INSYN1: variants seen among roughly 807,000 people sequenced by gnomAD.
INSYN1 encodes UPF0583 protein C15orf59.
Under a neutral mutation model 17.1 loss-of-function variants are expected in INSYN1, and 7 were observed. The ratio of observed to expected loss-of-function variants is 0.41; its 90% CI spans 0.23 to 0.77. The LOEUF is 0.77. Among genes scored for constraint, INSYN1 ranks in the 30% least tolerant of loss-of-function variants. INSYN1 has a pLI of 0.32. For missense variants in INSYN1, 339 were observed against 400.6 expected (o/e 0.85, Z 1.31); for synonymous variants, 174 against 166.3 (o/e 1.05, Z -0.36).
intron 2 of INSYN1, among the ~76,000 whole-genome samples, chr15:73,746,633 G>T (rs960023265): frequency 2.6e-5 from 4 of 152,194 alleles, no homozygotes; most frequent in African/African-American, 9.7e-5. Flanking sequence ...CTGGGGAAAC[G>T]TTGTGCCAAC....
At chr15:73,746,378 T>C (rs763922972) in intron 2 of INSYN1, among the ~76,000 whole-genome samples, 55 of 152,290 alleles carry the variant, frequency 3.6e-4, no homozygotes, top group South Asian at 4.1e-4. Flanking sequence ...CAATTCTTGC[T>C]GAGCTGCAGG....
At position 73,752,156 on chromosome 15, in the gene INSYN1, A is replaced by C. The variant is rs1484269619; in HGVS notation, c.-614T>G. 3 of 152,214 alleles carry C rather than the reference A, an allele frequency of 2.0e-5. No individual in the cohort carries two copies. Among genetic ancestry groups the C allele is most frequent in the African/African-American group, 4.8e-5 (2 of 41,366 alleles). 9.4% of individuals were successfully genotyped at this position (152,214 alleles called of 1,614,324 possible). A position where few individuals can be genotyped will look rare whatever the true frequency, so the allele number is the denominator to read the frequency against. ...TCCCTCCAAGCAGCGTCGGGGGCCA[A>C]GCCCCAAGACGGAGTTGGGGGGCCC... On this transcript the variant is annotated 5_prime_UTR_variant, in exon 1 of 3. Transcript: ENST00000569673. The surrounding 1 kb of genome is among the most constrained non-coding windows in gnomAD (Gnocchi z 5.2).
chr15:73,751,077 A>G lies in INSYN1; in HGVS notation c.54T>C (p.Ser18=), dbSNP rs1901965682. 1 of 1,613,612 alleles carries G rather than the reference A, an allele frequency of 6.2e-7. No homozygotes were observed. Among genetic ancestry groups the G allele is most frequent in the South Asian group, 1.1e-5 (1 of 91,058 alleles). Residue 18 remains serine, a synonymous_variant, in exon 2 of 3, where the codon AGT becomes AGC. Coordinates refer to ENST00000569673, the MANE Select transcript of INSYN1 (RefSeq NM_001039614.3). The part of the protein sequence containing the change: ...DLGQPSDDPS[S]GGERERIRQR... ...GTCGAATCCGCTCCCGCTCACCACCACTGCTGGGGTCGTCACTGGGCTGCC... is the reference window on the plus strand; with the variant it reads ...GTCGAATCCGCTCCCGCTCACCACCGCTGCTGGGGTCGTCACTGGGCTGCC...
rs1374665218 is a variant in INSYN1 at position 73,753,254 on chromosome 15, C to T, written c.-1712G>A. 6.8e-6 allele frequency among the ~76,000 whole-genome samples: 1 copy of T among 146,718 alleles called. No individual in the cohort carries two copies. Among genetic ancestry groups the T allele is most frequent in the Non-Finnish European group, 1.5e-5 (1 of 66,162 alleles). On this transcript the variant is annotated 5_prime_UTR_variant, in exon 1 of 3. Coordinates refer to ENST00000569673, the MANE Select transcript of INSYN1 (RefSeq NM_001039614.3). The surrounding 1 kb of genome is among the most constrained non-coding windows in gnomAD (Gnocchi z 4.2). The stretch of plus-strand genomic sequence containing the variant: ...CGGCCGCCCCCGGCCCGCCCCGCCG[C>T]CCCCCGCCGGACTGGCCGCCCGGGC...
intron 2 of INSYN1, among the ~76,000 whole-genome samples, chr15:73,745,072 GC>G (rs1901787088): frequency 6.6e-6 from 1 of 152,020 alleles, no homozygotes; most frequent in South Asian, 2.1e-4. Context: ...CAGCCTTAGC[GC>G]CCCTCGCTGA....
chr15:73,745,389 T>C (rs950159140), intron 2 of INSYN1, among the ~76,000 whole-genome samples: 1 of 152,070 alleles, frequency 6.6e-6, no homozygotes, highest in African/African-American at 2.4e-5. Flanking sequence ...TCCTACTCAC[T>C]CCGTCTTCAC....
chr15:73,739,900 G>A lies in INSYN1; in HGVS notation c.*17C>T, dbSNP rs372805938. On this transcript the variant is annotated 3_prime_UTR_variant, in exon 3 of 3. Coordinates refer to ENST00000569673, the MANE Select transcript of INSYN1 (RefSeq NM_001039614.3). ...ATAGCTCTATGTGCCCACCGCCCCCGGCCCCCTCCCCGGCCCCTAGTTTTT... is the reference window on the plus strand; with the variant it reads ...ATAGCTCTATGTGCCCACCGCCCCCAGCCCCCTCCCCGGCCCCTAGTTTTT... 13 of 836,872 alleles carry A rather than the reference G, an allele frequency of 1.6e-5. No homozygotes were observed. Among genetic ancestry groups the A allele is most frequent in the South Asian group, 3.1e-5 (2 of 64,368 alleles). The allele number at this position is 836,872 out of a possible 1,614,324, so 51.8% of individuals were successfully genotyped here. A position where few individuals can be genotyped will look rare whatever the true frequency, so the allele number is the denominator to read the frequency against.
rs916665806 is a variant in INSYN1 at position 73,738,473 on chromosome 15, C to G, written c.*1444G>C. On this transcript the variant is annotated 3_prime_UTR_variant, in exon 3 of 3. Coordinates refer to ENST00000569673, the MANE Select transcript of INSYN1 (RefSeq NM_001039614.3). ...CTGAGGCTGACGAATCACTTGAGGT[C>G]AGGAGTTCAGACCAGCCTGCCCAAC... 7.2e-5 allele frequency: 11 copies of G among 152,238 alleles called. No individual in the cohort carries two copies. Among genetic ancestry groups the G allele is most frequent in the Non-Finnish European group, 1.3e-4 (9 of 68,060 alleles). The allele number at this position is 152,238 out of a possible 1,614,324, so 9.4% of individuals were successfully genotyped here. A position where few individuals can be genotyped will look rare whatever the true frequency, so the allele number is the denominator to read the frequency against.
intron 2 of INSYN1, among the ~76,000 whole-genome samples, chr15:73,747,908 C>T (rs537645552): frequency 6.6e-5 from 10 of 152,322 alleles, no homozygotes; most frequent in African/African-American, 2.2e-4. Flanking sequence ...TTTACATCCT[C>T]ACCTCACTTA....
In INSYN1 at chr15:73,740,286, C is replaced by A. The variant is rs750288109; in HGVS notation, c.513G>T (p.Val171=). 3 of 1,613,458 alleles carry A rather than the reference C, an allele frequency of 1.9e-6. No homozygotes were observed. The highest frequency in any genetic ancestry group is 2.5e-6 in the Non-Finnish European group (3 of 1,179,838). ...GGGTCCGCTGGGGCAGCTGGCTCTTCACCGTGGGGCCAGCACCAAAGGCCT... is the reference window on the plus strand; with the variant it reads ...GGGTCCGCTGGGGCAGCTGGCTCTTAACCGTGGGGCCAGCACCAAAGGCCT... ...SEEAFGAGPT[V]KSQLPQRTPG... Residue 171 remains valine, a synonymous_variant, in exon 3 of 3, where the codon GTG becomes GTT. Coordinates refer to ENST00000569673, the MANE Select transcript of INSYN1 (RefSeq NM_001039614.3).
intron 2 of INSYN1, among the ~76,000 whole-genome samples, chr15:73,749,110 C>T (rs996993855): frequency 2.6e-5 from 4 of 152,154 alleles, no homozygotes; most frequent in Admixed American, 6.5e-5. Context: ...GGCATCTAAA[C>T]GATCTGCAAA....
In INSYN1 at chr15:73,740,511, G is replaced by A; in HGVS notation, c.288C>T (p.Gly96=). The change falls in exon 3 of 3, where the codon GGC becomes GGT. Residue 96 remains glycine, a synonymous_variant. Coordinates refer to ENST00000569673, the MANE Select transcript of INSYN1 (RefSeq NM_001039614.3). Reference sequence around the variant, plus strand: ...TATCGGCTGTCATGAAGTCCAGGTGGCCCAGGTCAAAGGGGCCACCCATGC... The same window carrying A: ...TATCGGCTGTCATGAAGTCCAGGTGACCCAGGTCAAAGGGGCCACCCATGC... ...KAGMGGPFDL[G]HLDFMTADIL... is the part of the protein sequence containing the mutation. The A allele has an allele frequency of 1.9e-6, 3 of 1,614,040 alleles. No individual in the cohort carries two copies. Among genetic ancestry groups the A allele is most frequent in the Admixed American group, 1.7e-5 (1 of 60,030 alleles).
intron 2 of INSYN1, among the ~76,000 whole-genome samples, chr15:73,746,600 G>C (rs184011749): frequency 6.6e-6 from 1 of 152,134 alleles, no homozygotes; most frequent in East Asian, 1.9e-4. Flanking sequence ...ATCCGGTGGG[G>C]GATCCTCCAC....
In INSYN1 at chr15:73,740,459, A is replaced by G. The variant is rs1397742739; in HGVS notation, c.340T>C (p.Ser114Pro). The change falls in exon 3 of 3, where the codon TCC becomes CCC. Residue 114 changes from serine to proline, a missense_variant. Ser to Pro is a moderately conservative substitution (Grantham distance 74, BLOSUM62 -1). Transcript: ENST00000569673. ...DILSDSWEFC[S>P]FLDVSTPSDS... Reference sequence around the variant, plus strand: ...GAGGGGGTAGAGACGTCCAGGAAGGAGCAGAACTCCCAGCTGTCTGAGAGG... The same window carrying G: ...GAGGGGGTAGAGACGTCCAGGAAGGGGCAGAACTCCCAGCTGTCTGAGAGG... The G allele has an allele frequency of 2.5e-6, 4 of 1,613,856 alleles. No homozygotes were observed. Among genetic ancestry groups the G allele is most frequent in the Non-Finnish European group, 3.4e-6 (4 of 1,180,006 alleles).
At chr15:73,744,106 A>G (rs1281253760) in intron 2 of INSYN1, among the ~76,000 whole-genome samples, 2 of 152,152 alleles carry the variant, frequency 1.3e-5, no homozygotes, top group Non-Finnish European at 2.9e-5. Flanking sequence ...TGGACAGCAT[A>G]TGGAACAAGG....
Position 73,740,057 on chromosome 15 carries a change from G to T in INSYN1, c.742C>A (p.Arg248Ser), listed in dbSNP as rs375719144. 15 of 1,613,552 alleles carry T rather than the reference G, an allele frequency of 9.3e-6. No individual in the cohort carries two copies. In the South Asian group the frequency reaches 1.6e-4, roughly 18 times the overall value. The change falls in exon 3 of 3, where the codon CGC (arginine) becomes AGC (serine). Residue 248 changes from arginine (R) to serine (S), a missense_variant. By Grantham distance (110) the Arg-to-Ser change is moderately radical (BLOSUM62 -1). Transcript: ENST00000569673. ...YKSRRSPLTS[R>S]HSGSTLAPEQ... ...GGGGCCAAGGTAGAGCCTGAGTGGC[G>T]GCTGGTCAGTGGAGAGCGCCGTGAC...
chr15:73,745,900 C>T (rs1901814317), intron 2 of INSYN1, among the ~76,000 whole-genome samples: 1 of 152,180 alleles, frequency 6.6e-6, no homozygotes, highest in Non-Finnish European at 1.5e-5. Flanking sequence ...TCCTATATTG[C>T]CAGACGCCAA....
At chr15:73,742,796 G>A (rs778762503) in intron 2 of INSYN1, among the ~76,000 whole-genome samples, 111 of 152,200 alleles carry the variant, frequency 7.3e-4, no homozygotes, top group Middle Eastern at 3.4e-3. Flanking sequence ...AAGGGCTGGT[G>A]GGAGCACTGG....
chr15:73,737,493 G>A lies in INSYN1; in HGVS notation c.*2424C>T, dbSNP rs1211345068. 6 of 152,226 alleles carry A rather than the reference G, an allele frequency of 3.9e-5. No individual in the cohort carries two copies. Among genetic ancestry groups the A allele is most frequent in the Admixed American group, 3.9e-4 (6 of 15,280 alleles). The allele number at this position is 152,226 out of a possible 1,614,324, so 9.4% of individuals were successfully genotyped here. On this transcript the variant is annotated 3_prime_UTR_variant, in exon 3 of 3. Coordinates refer to ENST00000569673, the MANE Select transcript of INSYN1 (RefSeq NM_001039614.3). ...GCACCAAATGGCTGAGGATTTCCTG[G>A]GGCTGATAGAGGGGCTCAGACCCTT...
Sources: allele counts gnomAD v4.1 joint callset (sites outside exome capture counted in the v4.1 genomes callset), GRCh38; gene constraint gnomAD v4.1.1; non-coding constraint Gnocchi (gnomAD v3.1); transcripts MANE v1.5; gene names NCBI Gene and HGNC (gene_info 2026-07-23, HGNC 2026-07-21).